Variants in SCHIP1 observed in about 807,000 individuals in gnomAD.
SCHIP1 encodes the protein schwannomin-interacting protein 1.
A neutral mutation model predicts 29.7 loss-of-function variants in SCHIP1; 8 were observed. The ratio of observed to expected loss-of-function variants is 0.27; its 90% CI spans 0.16 to 0.49. The LOEUF (loss-of-function observed/expected upper bound fraction) is 0.49, where lower values mean the gene tolerates loss of function less well. Among genes scored for constraint, SCHIP1 ranks in the 20% least tolerant of loss-of-function variants. The pLI, the probability that SCHIP1 is intolerant of heterozygous loss-of-function variation, is 0.99. For synonymous variants in SCHIP1, 76 were observed against 94.9 expected (o/e 0.80, Z 1.16); for missense variants, 193 against 294.6 (o/e 0.66, Z 2.52).
chr3:159,579,272 G>C, the SCHIP1 span, among the ~76,000 whole-genome samples: 1 of 152,056 alleles, frequency 6.6e-6, no homozygotes, highest in Non-Finnish European at 1.5e-5. Flanking sequence ...ACATTTTTAT[G>C]GCCCTCAATT....
the SCHIP1 span, among the ~76,000 whole-genome samples, chr3:159,590,443 G>A: frequency 6.6e-6 from 1 of 152,066 alleles, no homozygotes; most frequent in Non-Finnish European, 1.5e-5. Context: ...GGGCACAGTG[G>A]CGCACACCTG....
the SCHIP1 span, among the ~76,000 whole-genome samples, chr3:159,516,237 G>C: frequency 6.6e-6 from 1 of 152,070 alleles, no homozygotes; most frequent in Non-Finnish European, 1.5e-5. Context: ...CACTCCCTTT[G>C]CTCCTGAATC....
the SCHIP1 span, among the ~76,000 whole-genome samples, chr3:159,752,128 T>C: frequency 2.6e-5 from 4 of 151,730 alleles, no homozygotes; most frequent in African/African-American, 9.7e-5. Context: ...TCTGTCATGA[T>C]TGTAAGTTTC....
At chr3:159,299,070 CT>C in the SCHIP1 span, among the ~76,000 whole-genome samples, 23,314 of 152,100 alleles carry the variant, frequency 0.15, 2,074 homozygotes, top group Middle Eastern at 0.26. Flanking sequence ...ATTCTCAAAG[CT>C]TTATAATGAG....
chr3:159,316,454 C>T, the SCHIP1 span, among the ~76,000 whole-genome samples: 6 of 152,094 alleles, frequency 3.9e-5, no homozygotes, highest in Admixed American at 3.9e-4. Flanking sequence ...ACCAGATTAA[C>T]AGTAGATCTG....
At chr3:159,359,078 C>T in the SCHIP1 span, among the ~76,000 whole-genome samples, 1 of 151,700 alleles carries the variant, frequency 6.6e-6, no homozygotes. Context: ...CAGGCGCACA[C>T]CACCATGCCC....
At chr3:159,847,971 G>A (rs575964899) in intron 1 of SCHIP1, among the ~76,000 whole-genome samples, 2 of 152,080 alleles carry the variant, frequency 1.3e-5, no homozygotes, top group South Asian at 4.1e-4. Flanking sequence ...AGAAGGCAGT[G>A]GGAGATGAAG....
intron 1 of SCHIP1, among the ~76,000 whole-genome samples, chr3:159,855,057 A>G (rs1560083905): frequency 6.6e-6 from 1 of 152,224 alleles, no homozygotes; most frequent in Non-Finnish European, 1.5e-5. Context: ...ATATGATTTC[A>G]GTATCTGATA....
the SCHIP1 span, among the ~76,000 whole-genome samples, chr3:159,367,148 G>A: frequency 6.6e-6 from 1 of 152,144 alleles, no homozygotes; most frequent in South Asian, 2.1e-4. Context: ...GAGCCTCCAG[G>A]TTGGGAGGCC....
At chr3:159,328,117 G>T in the SCHIP1 span, among the ~76,000 whole-genome samples, 1 of 152,084 alleles carries the variant, frequency 6.6e-6, no homozygotes, top group Non-Finnish European at 1.5e-5. Flanking sequence ...GTGCCTATTG[G>T]AATTTAAATT....
chr3:159,798,327 G>A, the SCHIP1 span, among the ~76,000 whole-genome samples: 1 of 152,092 alleles, frequency 6.6e-6, no homozygotes, highest in Non-Finnish European at 1.5e-5. Context: ...CTGTAAAATG[G>A]GAGTATTAAT....
At chr3:159,297,020 G>A in the SCHIP1 span, among the ~76,000 whole-genome samples, 1 of 151,840 alleles carries the variant, frequency 6.6e-6, no homozygotes, top group East Asian at 1.9e-4. Flanking sequence ...ATCATGCCTT[G>A]TCTTTCTGTG....
the SCHIP1 span, among the ~76,000 whole-genome samples, chr3:159,453,902 G>T: frequency 6.6e-6 from 1 of 152,116 alleles, no homozygotes; most frequent in African/African-American, 2.4e-5. Context: ...ACTCTGCAGT[G>T]GCCCACTCTA....
At chr3:159,371,832 AG>A in the SCHIP1 span, among the ~76,000 whole-genome samples, 4 of 152,206 alleles carry the variant, frequency 2.6e-5, no homozygotes, top group Non-Finnish European at 4.4e-5. Flanking sequence ...ACAAGAAAAA[AG>A]TCTGTACATG....
the SCHIP1 span, among the ~76,000 whole-genome samples, chr3:159,673,418 A>G: frequency 6.6e-6 from 1 of 152,228 alleles, no homozygotes; most frequent in Non-Finnish European, 1.5e-5. Flanking sequence ...CTATTTCTTC[A>G]GTATGCAGAT....
At chr3:159,503,303 C>G in the SCHIP1 span, among the ~76,000 whole-genome samples, 1,222 of 152,238 alleles carry the variant, frequency 8.0e-3, 14 homozygotes, top group African/African-American at 0.028. Context: ...AAGATAAATG[C>G]GACAATATTA....
intron 1 of SCHIP1, among the ~76,000 whole-genome samples, chr3:159,862,838 A>G (rs1577452523): frequency 6.6e-6 from 1 of 152,296 alleles, no homozygotes; most frequent in East Asian, 1.9e-4. Flanking sequence ...TTTAAGTGAA[A>G]ATGTTCAGTG....
At chr3:159,512,016 T>G in the SCHIP1 span, among the ~76,000 whole-genome samples, 1 of 152,158 alleles carries the variant, frequency 6.6e-6, no homozygotes, top group Non-Finnish European at 1.5e-5. Flanking sequence ...AATTTGATAA[T>G]TCTGGGCTTC....
the SCHIP1 span, among the ~76,000 whole-genome samples, chr3:159,630,802 C>G: frequency 9.2e-5 from 14 of 152,222 alleles, no homozygotes; most frequent in African/African-American, 3.4e-4. Context: ...ACCAAAATCT[C>G]AGAAATCGCC....
Sources: gnomAD v4.1 joint callset for allele counts (sites outside exome capture counted in the v4.1 genomes callset) on GRCh38, gnomAD v4.1.1 for gene constraint, MANE v1.5 for transcripts, NCBI Gene and HGNC (gene_info 2026-07-23, HGNC 2026-07-21) for gene names.